JUP: variants seen among roughly 807,000 people sequenced by gnomAD.
JUP encodes junction plakoglobin, also known as catenin (cadherin-associated protein), gamma 80kDa.
JUP carries 28 observed loss-of-function variants against 71.1 expected under a neutral mutation model. The ratio of observed to expected loss-of-function variants is 0.39; its 90% CI spans 0.29 to 0.54. The LOEUF is 0.54. Ranked by LOEUF, JUP falls within the 20% of genes least tolerant of loss-of-function variation. The probability of loss-of-function intolerance (pLI) is 0.62; values close to 1 mark genes in which losing one functional copy is unlikely to be tolerated. For missense variants in JUP, 869 were observed against 1,030.1 expected (o/e 0.84, Z 2.14); for synonymous variants, 401 against 438.9 (o/e 0.91, Z 1.08).
intron 7 of JUP, 68 bp from the exon 8 acceptor site, chr17:41,763,389 C>T: frequency 8.2e-7 from 1 of 1,220,564 alleles, no homozygotes; most frequent in Admixed American, 1.8e-5. Context: ...TCGAATATGT[C>T]CAAGGGGAGT....
intron 1 of JUP, among the ~76,000 whole-genome samples, chr17:41,776,867 G>A (rs1304266423): frequency 6.6e-6 from 1 of 152,038 alleles, no homozygotes; most frequent in African/African-American, 2.4e-5. Flanking sequence ...TTAGCCAGGC[G>A]TGGTGGTGGG....
At chr17:41,758,256 G>A in intron 10 of JUP, 143 bp downstream of exon 10, 1 of 1,003,782 alleles carries the variant, frequency 1.0e-6, no homozygotes, top group Non-Finnish European at 1.5e-6. Context: ...TTGCTAAGTA[G>A]TCAATCTGGA....
At chr17:41,771,542 C>T in intron 2 of JUP, 105 bp downstream of exon 2, 1 of 1,045,056 alleles carries the variant, frequency 9.6e-7, no homozygotes, top group Middle Eastern at 3.0e-4. Flanking sequence ...TGTGCCTCCT[C>T]CCTCAGACCA....
chr17:41,773,349 C>T (rs1555607670), intron 1 of JUP, among the ~76,000 whole-genome samples: 1 of 152,210 alleles, frequency 6.6e-6, no homozygotes, highest in East Asian at 1.9e-4. Context: ...TGCAGGTCTC[C>T]CAGCCTTTTA....
At chr17:41,772,833 T>C in intron 1 of JUP, 4 of 985,298 alleles carry the variant, frequency 4.1e-6, no homozygotes, top group Non-Finnish European at 4.8e-6. Context: ...GGTTAATGAG[T>C]AGCAGGGCCG....
At chr17:41,776,495 C>T (rs1346477380) in intron 1 of JUP, among the ~76,000 whole-genome samples, 6 of 152,110 alleles carry the variant, frequency 3.9e-5, no homozygotes, top group African/African-American at 1.4e-4. Flanking sequence ...GTGGGAGGGT[C>T]GTTTGAGCCC....
In JUP at chr17:41,764,480, A is replaced by G. The variant is rs1915362945; in HGVS notation, c.1158+233T>C. On this transcript the variant is annotated intron_variant, in intron 7 of 13. Transcript: ENST00000393931. ...AGCCCAGGAGGCGGAGCTTGCAGTG[A>G]GCCGAGATTGCACCACTGCACTCCA... Among the ~76,000 whole-genome samples the G allele has an allele frequency of 2.2e-5, 3 of 134,272 alleles. No homozygotes were observed. The Admixed American group carries it at 2.6e-4, about 12-fold the overall frequency. 88.1% of individuals were successfully genotyped at this position (134,272 alleles called of 152,430 possible). A position where few individuals can be genotyped will look rare whatever the true frequency, so the allele number is the denominator to read the frequency against.
chr17:41,778,920 GA>G (rs1392918494), intron 1 of JUP, among the ~76,000 whole-genome samples: 3 of 146,092 alleles, frequency 2.1e-5, no homozygotes, highest in East Asian at 4.2e-4. Context: ...CAAAAAAAAA[GA>G]AAAAAAGGAT....
At chr17:41,782,807 G>C (rs1555610596) in intron 1 of JUP, among the ~76,000 whole-genome samples, 8 of 152,068 alleles carry the variant, frequency 5.3e-5, no homozygotes, top group Non-Finnish European at 1.2e-4. Context: ...TCTCAAAAGG[G>C]GGTGCAGAAA....
intron 2 of JUP, 78 bp from the exon 3 acceptor site, chr17:41,769,755 GC>G: frequency 6.6e-6 from 10 of 1,512,628 alleles, no homozygotes; most frequent in Non-Finnish European, 8.9e-6. Flanking sequence ...GCCACAGACA[GC>G]CCCACCTGGG....
chr17:41,764,979 C>T lies in JUP; in HGVS notation c.998G>A (p.Arg333His), dbSNP rs727503099. The T allele has an allele frequency of 7.4e-5, 120 of 1,614,022 alleles. No homozygotes were observed. Among genetic ancestry groups the T allele is most frequent in the Non-Finnish European group, 9.4e-5 (111 of 1,180,036 alleles). The change falls in exon 6 of 14, where the codon CGT becomes CAT. Residue 333 changes from arginine (R) to histidine (H), a missense_variant. Transcript: ENST00000393931. ...ACACACGGATAGCACCTTGAGCACACGACTGGTGGTCCAGAGCAGCTTTTC... is the reference window on the plus strand; with the variant it reads ...ACACACGGATAGCACCTTGAGCACATGACTGGTGGTCCAGAGCAGCTTTTC... ...SYEKLLWTTS[R>H]VLKVLSVCPS...
At chr17:41,782,731 C>T (rs1168092091) in intron 1 of JUP, among the ~76,000 whole-genome samples, 1 of 152,158 alleles carries the variant, frequency 6.6e-6, no homozygotes, top group Non-Finnish European at 1.5e-5. Context: ...ACCTGCCCTA[C>T]ATTCACCACT....
intron 1 of JUP, among the ~76,000 whole-genome samples, chr17:41,777,982 C>T (rs1288321913): frequency 3.9e-5 from 6 of 152,142 alleles, no homozygotes; most frequent in Admixed American, 2.0e-4. Flanking sequence ...AACACTTCAC[C>T]CCACACCAGG....
chr17:41,786,099 GC>G (rs2047443341), intron 1 of JUP: 1 of 152,176 alleles, frequency 6.6e-6, no homozygotes, highest in Non-Finnish European at 1.5e-5. Flanking sequence ...AAACAATAGG[GC>G]CCCACCCAGG....
intron 8 of JUP, among the ~76,000 whole-genome samples, chr17:41,762,740 T>C (rs947417735): frequency 3.3e-5 from 5 of 152,160 alleles, no homozygotes; most frequent in African/African-American, 1.2e-4. Context: ...AGGGTACTCA[T>C]GTGCATTTTG....
At position 41,766,887 on chromosome 17, in the gene JUP, GA is replaced by G. The variant is rs369607817; in HGVS notation, c.909+491del. 2.4e-3 allele frequency among the ~76,000 whole-genome samples: 363 copies of G among 148,692 alleles called. 1 individual carries two copies. Among genetic ancestry groups the G allele is most frequent in the African/African-American group, 7.6e-3 (309 of 40,536 alleles). On this transcript the variant is annotated intron_variant, in intron 5 of 13. Transcript: ENST00000393931. The stretch of plus-strand genomic sequence containing the variant: ...AAAAAAAAAAGAAAGAAAAGAAAAG[GA>G]AAAAAAAAATTAGTCGGGCGTGGTA...
intron 5 of JUP, among the ~76,000 whole-genome samples, chr17:41,766,919 C>T (rs574428052): frequency 1.3e-5 from 2 of 151,428 alleles, no homozygotes; most frequent in African/African-American, 2.4e-5. Context: ...TGGTAGCACA[C>T]GCCTGAAGTC....
chr17:41,762,164 AGAGAGAGAGAGAGTGTGTGT>A (rs1567808318), intron 8 of JUP, among the ~76,000 whole-genome samples: 1 of 78,064 alleles, frequency 1.3e-5, no homozygotes, highest in African/African-American at 5.1e-5. Context: ...AGAGAGAGAG[AGAGAGAGAGAGAGTGTGTGT>A]GTGTGTGTGT....
chr17:41,758,673 AC>A, intron 9 of JUP, 41 bp downstream of exon 9: 2 of 1,591,524 alleles, frequency 1.3e-6, no homozygotes, highest in Non-Finnish European at 8.5e-7. Flanking sequence ...GGACACCCTG[AC>A]CCCCCAGGAA....
Sources: gnomAD v4.1 joint callset for allele counts (sites outside exome capture counted in the v4.1 genomes callset) on GRCh38, gnomAD v4.1.1 for gene constraint, MANE v1.5 for transcripts, NCBI Gene and HGNC (gene_info 2026-07-23, HGNC 2026-07-21) for gene names.